ZNF583: variants seen among roughly 807,000 people sequenced by gnomAD.
The protein encoded by ZNF583 is zinc finger protein 583.
In ZNF583, 30 loss-of-function variants were observed where a neutral mutation model predicts 55.3. The observed-to-expected ratio is 0.54, with a 90% CI of 0.41 to 0.74. The LOEUF is 0.74. ZNF583 is among the 30% of genes least tolerant of loss of function. The pLI, the probability that ZNF583 is intolerant of heterozygous loss-of-function variation, is 0.00. For missense variants in ZNF583, 504 were observed against 664.7 expected (o/e 0.76, Z 2.66); for synonymous variants, 208 against 220.0 (o/e 0.95, Z 0.48).
In ZNF583 at chr19:56,423,615, T is replaced by C. The variant is rs1365099189; in HGVS notation, c.957T>C (p.Thr319=). ...TGACTCAGCATCAGAGAGTTCATACTGGAGAGAGACCTTTCGAATGTATTG... is the reference window on the plus strand; with the variant it reads ...TGACTCAGCATCAGAGAGTTCATACCGGAGAGAGACCTTTCGAATGTATTG... ...AHLTQHQRVH[T]GERPFECIEC... The change falls in exon 5 of 5, where the codon ACT becomes ACC. Residue 319 remains threonine (T), a synonymous_variant. Coordinates refer to ENST00000333201, the MANE Select transcript of ZNF583 (RefSeq NM_152478.3). The C allele has an allele frequency of 1.2e-6, 2 of 1,613,974 alleles. No individual in the cohort carries two copies. The highest frequency in any genetic ancestry group is 3.3e-5 in the Admixed American group (2 of 60,014).
At chr19:56,410,511 C>G (rs1376743443) in intron 2 of ZNF583, among the ~76,000 whole-genome samples, 19 of 151,866 alleles carry the variant, frequency 1.3e-4, no homozygotes, top group Non-Finnish European at 2.9e-5. Context: ...ACCAGCCTGG[C>G]CAACATGGTG....
chr19:56,406,688 G>T (rs762194552), intron 1 of ZNF583, among the ~76,000 whole-genome samples: 18 of 152,044 alleles, frequency 1.2e-4, no homozygotes, highest in Non-Finnish European at 2.4e-4. Context: ...CACCACACCT[G>T]GCTAATTTTG....
At chr19:56,412,365 G>A (rs1345782105) in intron 2 of ZNF583, among the ~76,000 whole-genome samples, 1 of 152,136 alleles carries the variant, frequency 6.6e-6, no homozygotes, top group African/African-American at 2.4e-5. Flanking sequence ...AATTTTTAGG[G>A]AGCAAACTAG....
At chr19:56,405,081 G>A (rs893158688) in intron 1 of ZNF583, among the ~76,000 whole-genome samples, 4 of 152,130 alleles carry the variant, frequency 2.6e-5, no homozygotes, top group African/African-American at 4.8e-5. Flanking sequence ...GGTTGTGTAC[G>A]GTGTGTGGCT....
Position 56,423,105 on chromosome 19 carries a change from C to T in ZNF583, c.447C>T (p.Ile149=). The T allele has an allele frequency of 1.9e-6, 3 of 1,611,932 alleles. No individual in the cohort carries two copies. The highest frequency in any genetic ancestry group is 2.5e-6 in the Non-Finnish European group (3 of 1,179,400). Residue 149 remains isoleucine (I), a synonymous_variant, in exon 5 of 5, where the codon ATC becomes ATT. Coordinates refer to ENST00000333201, the MANE Select transcript of ZNF583 (RefSeq NM_152478.3). ...AATTAATCATCACTCATAAAGAAAT[C>T]CTTCCAGAAGTTCAAAATAAAGAAT... ...LSQLIITHKE[I]LPEVQNKEYN... is the part of the protein sequence containing the mutation.
chr19:56,423,546 T>C lies in ZNF583; in HGVS notation c.888T>C (p.Tyr296=), dbSNP rs200558791. 1.2e-6 allele frequency: 2 copies of C among 1,612,964 alleles called. No individual in the cohort carries two copies. The highest frequency in any genetic ancestry group is 2.2e-5 in the East Asian group (1 of 44,794). ...GAGTTCATACTGGAGAGAAACCTTA[T>C]CAGTGTAAAGAATGTAAAAAAGCCT... ...HQRVHTGEKP[Y]QCKECKKAFS... The change falls in exon 5 of 5, where the codon TAT becomes TAC. Residue 296 remains tyrosine (Y), a synonymous_variant. Transcript: ENST00000333201.
Position 56,413,914 on chromosome 19 carries a change from G to A in ZNF583, c.10-45G>A, listed in dbSNP as rs369391456. ...AACTTTTTAACTTAGGCTCATGTGA[G>A]GATATGAACACTAGTTGAGCAAGAA... On this transcript the variant is annotated intron_variant, in intron 2 of 4. Coordinates refer to ENST00000333201, the MANE Select transcript of ZNF583 (RefSeq NM_152478.3). The A allele has an allele frequency of 2.5e-6, 4 of 1,610,948 alleles. No homozygotes were observed. The African/African-American group carries it at 5.4e-5, about 22-fold the overall frequency.
In ZNF583 at chr19:56,427,219, C is replaced by T. The variant is rs778959505; in HGVS notation, c.*2851C>T. On this transcript the variant is annotated 3_prime_UTR_variant, in exon 5 of 5. Transcript: ENST00000333201. ...GTCAGTAGCCCTTGCCAAAAGCCTC[C>T]TCACTCTCCCCTCTCTTGTATAAGT... is the stretch of plus-strand genomic sequence containing the variant. The T allele has an allele frequency of 6.6e-6, 1 of 152,002 alleles. No homozygotes were observed. Among genetic ancestry groups the T allele is most frequent in the Non-Finnish European group, 1.5e-5 (1 of 68,004 alleles). The allele number at this position is 152,002 out of a possible 1,614,324, so 9.4% of individuals were successfully genotyped here.
intron 2 of ZNF583, among the ~76,000 whole-genome samples, chr19:56,410,656 C>G (rs902821634): frequency 2.6e-5 from 4 of 152,058 alleles, no homozygotes; most frequent in African/African-American, 9.7e-5. Flanking sequence ...GAGCCAAGAT[C>G]GCACCACTGC....
chr19:56,426,093 A>G lies in ZNF583; in HGVS notation c.*1725A>G, dbSNP rs2147623721. ...ACTATCATACTGATGTCAGTAGCCC[A>G]TGAATTAATTTACAGATTCTACCTA... is the stretch of plus-strand genomic sequence containing the variant. On this transcript the variant is annotated 3_prime_UTR_variant, in exon 5 of 5. Transcript: ENST00000333201. The G allele has an allele frequency of 6.6e-6, 1 of 152,372 alleles. No homozygotes were observed. Among genetic ancestry groups the G allele is most frequent in the African/African-American group, 2.4e-5 (1 of 41,592 alleles). The allele number at this position is 152,372 out of a possible 1,614,324, so 9.4% of individuals were successfully genotyped here. A position where few individuals can be genotyped will look rare whatever the true frequency, so the allele number is the denominator to read the frequency against.
chr19:56,404,218 C>A (rs901089849), upstream of ZNF583: 6 of 152,618 alleles, frequency 3.9e-5, no homozygotes, highest in African/African-American at 1.4e-4. This position sits in a 1 kb window ranked among gnomAD's most constrained non-coding sequence, Gnocchi z 5.2. Context: ...AGTAACTACC[C>A]GCAACTGAGC....
intron 4 of ZNF583, among the ~76,000 whole-genome samples, chr19:56,420,805 G>T (rs2042402494): frequency 1.3e-5 from 2 of 152,114 alleles, no homozygotes; most frequent in African/African-American, 2.4e-5. Context: ...TCTATAAACA[G>T]CATATAATTG....
intron 4 of ZNF583, among the ~76,000 whole-genome samples, chr19:56,417,287 T>C (rs1322412233): frequency 2.0e-5 from 3 of 152,214 alleles, no homozygotes; most frequent in African/African-American, 4.8e-5. Flanking sequence ...GAAGGAATTA[T>C]ACCATTCTTC....
intron 2 of ZNF583, among the ~76,000 whole-genome samples, chr19:56,410,529 A>G (rs1056181818): frequency 6.6e-6 from 1 of 151,998 alleles, no homozygotes; most frequent in Admixed American, 6.6e-5. Flanking sequence ...GTGAAACCCC[A>G]TCTCTACTAA....
intron 3 of ZNF583, 41 bp downstream of exon 3, chr19:56,414,126 C>G: frequency 6.4e-7 from 1 of 1,556,124 alleles, no homozygotes; most frequent in Non-Finnish European, 8.7e-7. Context: ...GTACATGGGA[C>G]TGAGCTCCAA....
At chr19:56,410,098 A>G (rs1028674656) in intron 2 of ZNF583, among the ~76,000 whole-genome samples, 2 of 152,016 alleles carry the variant, frequency 1.3e-5, no homozygotes, top group African/African-American at 4.8e-5. Context: ...TCTATTTGTA[A>G]TTACTGCTTT....
chr19:56,417,767 T>G (rs2042350830), intron 4 of ZNF583, among the ~76,000 whole-genome samples: 1 of 152,304 alleles, frequency 6.6e-6, no homozygotes, highest in African/African-American at 2.4e-5. Context: ...AGTTTTAAGG[T>G]TTTAGCATTT....
rs1396089247 is a variant in ZNF583, at chr19:56,427,091, G to C, written c.*2723G>C. The C allele has an allele frequency of 6.6e-6, 1 of 152,092 alleles. No homozygotes were observed. The highest frequency in any genetic ancestry group is 2.1e-4 in the South Asian group (1 of 4,822). 9.4% of individuals were successfully genotyped at this position (152,092 alleles called of 1,614,324 possible). ...AAAATGGAATCTAGTCTGCCCAAAG[G>C]ATCCCTAGAGAAGTTCAGGCTTGGA... On this transcript the variant is annotated 3_prime_UTR_variant, in exon 5 of 5. Transcript: ENST00000333201.
chr19:56,405,660 C>T (rs2042135173), intron 1 of ZNF583, among the ~76,000 whole-genome samples: 1 of 152,066 alleles, frequency 6.6e-6, no homozygotes, highest in Admixed American at 6.6e-5. Context: ...GTTTTTCCAT[C>T]CCTCTCAGTC....
Sources: gnomAD v4.1 joint callset for allele counts (sites outside exome capture counted in the v4.1 genomes callset) on GRCh38, gnomAD v4.1.1 for gene constraint, Gnocchi (gnomAD v3.1) non-coding constraint, MANE v1.5 for transcripts, NCBI Gene and HGNC (gene_info 2026-07-23, HGNC 2026-07-21) for gene names.